Variants in FGFR1 observed in about 807,000 individuals in gnomAD.
The protein encoded by FGFR1 is FGFR1/PLAG1 fusion.
Under a neutral mutation model 93.7 loss-of-function variants are expected in FGFR1, and 18 were observed. The observed-to-expected ratio is 0.19, with a 90% CI of 0.13 to 0.28. The LOEUF is 0.28. Ranked by LOEUF, FGFR1 falls within the 10% of genes least tolerant of loss-of-function variation. The pLI is 1.00. For missense variants in FGFR1, 731 were observed against 1,080.4 expected (o/e 0.68, Z 4.53); for synonymous variants, 448 against 429.3 (o/e 1.04, Z -0.54).
At position 38,451,270 on chromosome 8, in the gene FGFR1, G is replaced by C. The variant is rs566381004; in HGVS notation, c.91+6086C>G. Among the ~76,000 whole-genome samples, 5 of 151,944 alleles carry C rather than the reference G, an allele frequency of 3.3e-5. No homozygotes were observed. In the South Asian group the frequency reaches 8.3e-4, roughly 25 times the overall value. ...TGGGGTGGGAGTAGGGGAGGGTCTT[G>C]CCTGTGTCCCAAGGCAGCCTTGGGA... On this transcript the variant is annotated intron_variant, in intron 2 of 17. Transcript: ENST00000447712.
chr8:38,444,556 AT>A lies in FGFR1; in HGVS notation c.91+12799del, dbSNP rs562700623. Among the ~76,000 whole-genome samples, 445 of 129,164 alleles carry A rather than the reference AT, an allele frequency of 3.4e-3. 3 individuals carry two copies. Among genetic ancestry groups the A allele is most frequent in the African/African-American group, 9.3e-3 (322 of 34,562 alleles). The allele number at this position is 129,164 out of a possible 152,430, so 84.7% of individuals were successfully genotyped here. The stretch of plus-strand genomic sequence containing the variant: ...GGCACTTGCCACCACGCGTGGCTAA[AT>A]TTTTTTTTTTTTTTTGTAGAGACAG... On this transcript the variant is annotated intron_variant, in intron 2 of 17. Coordinates refer to ENST00000447712, the MANE Select transcript of FGFR1 (RefSeq NM_023110.3).
chr8:38,422,716 T>A, intron 7 of FGFR1: 2 of 364,388 alleles, frequency 5.5e-6, no homozygotes, highest in South Asian at 8.9e-5. Context: ...GCCCCTTCTC[T>A]TAATCACCAC....
At chr8:38,459,397 T>G (rs1833811879) in intron 1 of FGFR1, among the ~76,000 whole-genome samples, 1 of 152,162 alleles carries the variant, frequency 6.6e-6, no homozygotes, top group African/African-American at 2.4e-5. Flanking sequence ...GGGATACACA[T>G]GCCACACCAC....
chr8:38,427,886 C>T (rs868596722), intron 5 of FGFR1, 35 bp downstream of exon 5: 1 of 1,613,440 alleles, frequency 6.2e-7, no homozygotes, highest in Middle Eastern at 1.7e-4. Flanking sequence ...TCCCCTGTTC[C>T]CATTACTCTA....
intron 8 of FGFR1, chr8:38,420,474 A>G (rs988083284): frequency 3.3e-5 from 5 of 152,158 alleles, no homozygotes; most frequent in African/African-American, 1.2e-4. Context: ...AACTCCTAAA[A>G]CTTAAGGAAA....
At chr8:38,440,294 C>T (rs768436537) in intron 2 of FGFR1, 60 of 1,603,084 alleles carry the variant, frequency 3.7e-5, no homozygotes, top group Non-Finnish European at 4.3e-5. Context: ...TGAAATGGAA[C>T]TGAAAACTTA....
At chr8:38,436,762 C>G (rs1391558219) in intron 2 of FGFR1, among the ~76,000 whole-genome samples, 1 of 151,872 alleles carries the variant, frequency 6.6e-6, no homozygotes, top group African/African-American at 2.4e-5. Context: ...GGGGATTTTC[C>G]CATGGTGCTT....
chr8:38,454,373 T>C (rs557988750), intron 2 of FGFR1, among the ~76,000 whole-genome samples: 91 of 152,316 alleles, frequency 6.0e-4, no homozygotes, highest in African/African-American at 2.1e-3. Flanking sequence ...ACTAGCTCCT[T>C]GCTACTCTTC....
rs1200754408 is a variant in FGFR1, at chr8:38,426,966, A to G, written c.622-721T>C. 1.3e-5 allele frequency among the ~76,000 whole-genome samples: 2 copies of G among 152,094 alleles called. No homozygotes were observed. Among genetic ancestry groups the G allele is most frequent in the Non-Finnish European group, 2.9e-5 (2 of 68,014 alleles). On this transcript the variant is annotated intron_variant, in intron 5 of 17. Transcript: ENST00000447712. This position sits in a 1 kb window ranked among gnomAD's most constrained non-coding sequence, Gnocchi z 4.1. Reference sequence around the variant, plus strand: ...CGTCTCTACTAAAAATACAAAAATTAGCTGGGAATGGTGGCTGCACATCCC... The same window carrying G: ...CGTCTCTACTAAAAATACAAAAATTGGCTGGGAATGGTGGCTGCACATCCC...
In FGFR1 at chr8:38,411,192, T is replaced by A. The variant is rs1586052392; in HGVS notation, c.*2436A>T. 1 of 201,994 alleles carries A rather than the reference T, an allele frequency of 5.0e-6. No homozygotes were observed. Among genetic ancestry groups the A allele is most frequent in the Non-Finnish European group, 1.0e-5 (1 of 98,210 alleles). 12.5% of individuals were successfully genotyped at this position (201,994 alleles called of 1,614,324 possible). A position where few individuals can be genotyped will look rare whatever the true frequency, so the allele number is the denominator to read the frequency against. ...CAGCTAGCGCAGTCTTTGGGGAAAT[T>A]TGTGGGTGATTTGAGTAGTAACAGC... On this transcript the variant is annotated 3_prime_UTR_variant, in exon 18 of 18. Transcript: ENST00000447712.
At position 38,421,920 on chromosome 8, in the gene FGFR1, C is replaced by T. The variant is rs1563475734; in HGVS notation, c.958G>A (p.Asp320Asn). The change falls in exon 8 of 18, where the codon GAC becomes AAC. Residue 320 changes from aspartate (D) to asparagine (N), a missense_variant. Asp to Asn is a conservative substitution (Grantham distance 23). Coordinates refer to ENST00000447712, the MANE Select transcript of FGFR1 (RefSeq NM_023110.3). ...AAGTGAAGCACCTCCATCTCTTTGT[C>T]GGTGGTATTAACTCCAGCAGTCTAG... is the stretch of plus-strand genomic sequence containing the variant. Reference protein sequence around the residue: ...ILKTAGVNTTDKEMEVLHLRN... With the variant: ...ILKTAGVNTTNKEMEVLHLRN... The T allele has an allele frequency of 2.5e-6, 4 of 1,613,978 alleles. No individual in the cohort carries two copies. Among genetic ancestry groups the T allele is most frequent in the African/African-American group, 2.7e-5 (2 of 74,888 alleles).
At chr8:38,422,653 C>A (rs759779033) in intron 7 of FGFR1, 2 of 297,642 alleles carry the variant, frequency 6.7e-6, no homozygotes, top group Non-Finnish European at 1.3e-5. Flanking sequence ...CCTCCCACCT[C>A]AGCCTCCCAA....
chr8:38,448,044 A>C (rs1265022766), intron 2 of FGFR1, among the ~76,000 whole-genome samples: 1 of 152,230 alleles, frequency 6.6e-6, no homozygotes. Context: ...AATGAAAAAC[A>C]TTCTCTGTAT....
intron 2 of FGFR1, among the ~76,000 whole-genome samples, chr8:38,447,290 G>GA (rs895854708): frequency 2.0e-5 from 3 of 151,908 alleles, no homozygotes; most frequent in African/African-American, 4.8e-5. Context: ...AATACAATGG[G>GA]AAAAAAATAC....
At chr8:38,443,813 G>T (rs748527222) in intron 2 of FGFR1, among the ~76,000 whole-genome samples, 7 of 152,078 alleles carry the variant, frequency 4.6e-5, no homozygotes, top group Non-Finnish European at 8.8e-5. Flanking sequence ...CAGCACTTTG[G>T]GAAGCTGAGG....
chr8:38,457,470 G>C lies in FGFR1; in HGVS notation c.-24C>G. The stretch of plus-strand genomic sequence containing the variant: ...ATCCCAGTTCTGCAGTTAGAGGTTG[G>C]TGACAAGGCTCCACATCTCCATGGA... On this transcript the variant is annotated 5_prime_UTR_variant, in exon 2 of 18. Transcript: ENST00000447712. The C allele has an allele frequency of 6.2e-7, 1 of 1,613,760 alleles. No individual in the cohort carries two copies. The highest frequency in any genetic ancestry group is 8.5e-7 in the Non-Finnish European group (1 of 1,179,922).
At chr8:38,449,372 GATGAATGAATAA>G (rs1230746848) in intron 2 of FGFR1, among the ~76,000 whole-genome samples, 1 of 152,110 alleles carries the variant, frequency 6.6e-6, no homozygotes, top group Non-Finnish European at 1.5e-5. Flanking sequence ...TGCTTGACTA[GATGAATGAATAA>G]ATGAATGAGT....
intron 11 of FGFR1, 106 bp downstream of exon 11, chr8:38,417,764 G>T (rs373797612): frequency 1.3e-6 from 2 of 1,526,264 alleles, no homozygotes. Flanking sequence ...AGCGGAGCAG[G>T]TGTGGGCAGC....
chr8:38,432,261 G>C (rs1480529257), intron 2 of FGFR1, among the ~76,000 whole-genome samples: 1 of 152,044 alleles, frequency 6.6e-6, no homozygotes, highest in African/African-American at 2.4e-5. Flanking sequence ...CAACCAGAAC[G>C]TGCAAACAAA....
Sources: gnomAD v4.1 joint callset for allele counts (sites outside exome capture counted in the v4.1 genomes callset) on GRCh38, gnomAD v4.1.1 for gene constraint, Gnocchi (gnomAD v3.1) non-coding constraint, MANE v1.5 for transcripts, NCBI Gene and HGNC (gene_info 2026-07-23, HGNC 2026-07-21) for gene names.